The following CYP2R1 variants were observed in gnomAD, a reference collection of about 807,000 sequenced individuals.
CYP2R1 encodes cytochrome P450 family 2 subfamily R member 1, also known as vitamin D 25-hydroxylase.
Under a neutral mutation model 45.7 loss-of-function variants are expected in CYP2R1, and 40 were observed. The observed-to-expected ratio is 0.87, with a 90% confidence interval of 0.68 to 1.14. The LOEUF (loss-of-function observed/expected upper bound fraction) is 1.14. CYP2R1 is among the 50% of genes most tolerant of loss of function. The pLI, the probability that CYP2R1 is intolerant of heterozygous loss-of-function variation, is 0.00. For synonymous variants in CYP2R1, 234 were observed against 219.3 expected (o/e 1.07, Z -0.59); for missense variants, 605 against 602.6 (o/e 1.00, Z -0.04).
chr11:14,886,688 T>A (rs1489292122), intron 1 of CYP2R1: 2 of 152,268 alleles, frequency 1.3e-5, no homozygotes, highest in Non-Finnish European at 2.9e-5. Flanking sequence ...GAGAACGATA[T>A]TCCCTTATCA....
intron 2 of CYP2R1, among the ~76,000 whole-genome samples, chr11:14,882,985 A>G (rs1334785889): frequency 1.3e-5 from 2 of 152,212 alleles, no homozygotes; most frequent in African/African-American, 4.8e-5. Context: ...AGGGATGTGA[A>G]GGACCTCTTC....
intron 4 of CYP2R1, 84 bp downstream of exon 4, chr11:14,879,030 A>C: frequency 1.8e-6 from 2 of 1,086,368 alleles, no homozygotes; most frequent in Non-Finnish European, 1.4e-6. Context: ...ATTCTATAGA[A>C]GGATGCTTCA....
At chr11:14,890,995 C>T (rs1237847110) in intron 1 of CYP2R1, 1 of 985,472 alleles carries the variant, frequency 1.0e-6, no homozygotes, top group Non-Finnish European at 1.2e-6. Context: ...CTCTCTCCCA[C>T]TCATCTGCCA....
chr11:14,885,959 T>C, intron 1 of CYP2R1, 42 bp from the exon 2 acceptor site: 1 of 1,584,734 alleles, frequency 6.3e-7, no homozygotes, highest in Non-Finnish European at 8.7e-7. Context: ...TGACAGCATG[T>C]ATGGAGAAAT....
chr11:14,884,015 A>C (rs1349134507), intron 2 of CYP2R1, among the ~76,000 whole-genome samples: 2 of 152,072 alleles, frequency 1.3e-5, no homozygotes, highest in African/African-American at 4.8e-5. Context: ...GGCAATCATT[A>C]AAAAGTCAGG....
At chr11:14,891,592 A>G in intron 1 of CYP2R1, 5 of 1,049,060 alleles carry the variant, frequency 4.8e-6, no homozygotes, top group South Asian at 3.2e-5. Flanking sequence ...TGCAGCTTCC[A>G]CAGAGCTGCG....
rs1379324952 is a variant in CYP2R1, at chr11:14,887,492, T to TA, written c.226-1576dup. The TA allele has an allele frequency of 8.3e-6, 6 of 725,032 alleles. No homozygotes were observed. In the African/African-American group the frequency reaches 1.2e-4, roughly 14 times the overall value. The allele number at this position is 725,032 out of a possible 1,614,324, so 44.9% of individuals were successfully genotyped here. On this transcript the variant is annotated intron_variant, in intron 1 of 4. Coordinates refer to ENST00000334636, the MANE Select transcript of CYP2R1 (RefSeq NM_024514.5). ...GACTCAAATTGTGAAAACTTATCCTTAAACTGCTTTGATCTATGGAAGGGT... is the reference window on the plus strand; with the variant it reads ...GACTCAAATTGTGAAAACTTATCCTTAAAACTGCTTTGATCTATGGAAGGGT...
At chr11:14,882,614 T>C (rs1159337694) in intron 2 of CYP2R1, among the ~76,000 whole-genome samples, 2 of 152,184 alleles carry the variant, frequency 1.3e-5, no homozygotes, top group African/African-American at 4.8e-5. Context: ...CATGATTTTC[T>C]ACTTCCAAGG....
intron 3 of CYP2R1, 87 bp from the exon 4 acceptor site, chr11:14,879,530 C>A: frequency 2.7e-6 from 3 of 1,106,042 alleles, no homozygotes; most frequent in Non-Finnish European, 2.6e-6. Context: ...TAAAGGATAA[C>A]CTATAACAAG....
rs782650289 is a variant in CYP2R1, at chr11:14,892,197, C to A, written c.9G>T (p.Lys3Asn). The A allele has an allele frequency of 1.8e-5, 29 of 1,610,110 alleles. No homozygotes were observed. The highest frequency in any genetic ancestry group is 2.4e-5 in the Non-Finnish European group (28 of 1,179,776). ...CCGCGCCCTCTTCAGCTCTCCAAAGCTTCCACATCGGCCCGAGCTGGAGGT... is the reference window on the plus strand; with the variant it reads ...CCGCGCCCTCTTCAGCTCTCCAAAGATTCCACATCGGCCCGAGCTGGAGGT... MW[K>N]LWRAEEGAAA... The change falls in exon 1 of 5, where the codon AAG becomes AAT. Residue 3 changes from lysine (K) to asparagine (N), a missense_variant. Lys to Asn is a moderately conservative substitution (Grantham distance 94). Transcript: ENST00000334636.
At chr11:14,886,381 G>A (rs573526216) in intron 1 of CYP2R1, 2 of 168,078 alleles carry the variant, frequency 1.2e-5, no homozygotes, top group African/African-American at 4.8e-5. Flanking sequence ...GGAGAGGATT[G>A]TCAAATACCT....
Position 14,880,577 on chromosome 11 carries a change from C to T in CYP2R1, c.559G>A (p.Val187Ile), listed in dbSNP as rs782272897. 6.2e-7 allele frequency: 1 copy of T among 1,613,308 alleles called. No homozygotes were observed. Among genetic ancestry groups the T allele is most frequent in the Non-Finnish European group, 8.5e-7 (1 of 1,179,594 alleles). ...FDFKQLITNAVSNITNLIIFG... is the reference protein window; with the variant it reads ...FDFKQLITNAISNITNLIIFG... ...ATGATCAGATTGGTTATGTTTGAAACAGCATTCGTTATTAACTGTTTAAAG... is the reference window on the plus strand; with the variant it reads ...ATGATCAGATTGGTTATGTTTGAAATAGCATTCGTTATTAACTGTTTAAAG... The change falls in exon 3 of 5, where the codon GTT becomes ATT. Residue 187 changes from valine (V) to isoleucine (I), a missense_variant. Coordinates refer to ENST00000334636, the MANE Select transcript of CYP2R1 (RefSeq NM_024514.5).
At chr11:14,890,174 A>G (rs1848779901) in intron 1 of CYP2R1, among the ~76,000 whole-genome samples, 1 of 151,706 alleles carries the variant, frequency 6.6e-6, no homozygotes, top group Non-Finnish European at 1.5e-5. Context: ...AACCAAGAAC[A>G]CTTGAGTAGC....
chr11:14,890,217 C>G (rs1406379205), intron 1 of CYP2R1, among the ~76,000 whole-genome samples: 1 of 151,252 alleles, frequency 6.6e-6, no homozygotes, highest in Non-Finnish European at 1.5e-5. Context: ...TTCTCACTAC[C>G]GAGAAAAAAA....
intron 1 of CYP2R1, chr11:14,891,667 C>A: frequency 8.5e-7 from 1 of 1,170,034 alleles, no homozygotes; most frequent in Non-Finnish European, 1.1e-6. Flanking sequence ...AGTGGCGGCG[C>A]GGCTGGCGAG....
chr11:14,891,147 A>G, intron 1 of CYP2R1: 1 of 985,436 alleles, frequency 1.0e-6, no homozygotes, highest in Non-Finnish European at 1.2e-6. Flanking sequence ...ACGTCGGGAC[A>G]CCCACACACA....
chr11:14,880,000 A>T, intron 3 of CYP2R1, 136 bp downstream of exon 3: 1 of 833,146 alleles, frequency 1.2e-6, no homozygotes, highest in Non-Finnish European at 1.8e-6. Flanking sequence ...CTTTTTTGTA[A>T]CTATTAAATA....
chr11:14,885,824 C>T lies in CYP2R1; in HGVS notation c.319G>A (p.Ala107Thr). 6.2e-7 allele frequency: 1 copy of T among 1,613,478 alleles called. No homozygotes were observed. The highest frequency in any genetic ancestry group is 1.7e-5 in the Admixed American group (1 of 59,990). The change falls in exon 2 of 5, where the codon GCA becomes ACA. Residue 107 changes from alanine to threonine, a missense_variant. By Grantham distance (58) the Ala-to-Thr change is moderately conservative. Transcript: ENST00000334636. ...ECLVHQSEIF[A>T]DRPCLPLFMK... ...AATAAAGGAAGGCATGGTCTGTCTG[C>T]AAAAATTTCGCTTTGATGAACAAGG...
At chr11:14,891,884 G>C in intron 1 of CYP2R1, 97 bp downstream of exon 1, 1 of 1,463,874 alleles carries the variant, frequency 6.8e-7, no homozygotes, top group Non-Finnish European at 9.2e-7. Flanking sequence ...GTCCCGACTA[G>C]TCGGCCCAGG....
Sources: allele counts gnomAD v4.1 joint callset (sites outside exome capture counted in the v4.1 genomes callset), GRCh38; gene constraint gnomAD v4.1.1; transcripts MANE v1.5; gene names NCBI Gene and HGNC (gene_info 2026-07-23, HGNC 2026-07-21).